GLIS3: variants seen among roughly 807,000 people sequenced by gnomAD.
GLIS3 encodes the protein zinc finger protein GLIS3.
Under a neutral mutation model 78.6 loss-of-function variants are expected in GLIS3, and 53 were observed. That is an observed-to-expected ratio of 0.67 (90% confidence interval 0.54 to 0.85). The LOEUF (loss-of-function observed/expected upper bound fraction) is 0.85. GLIS3 is among the 40% of genes least tolerant of loss of function. The pLI, the probability that GLIS3 is intolerant of heterozygous loss-of-function variation, is 0.00. For synonymous variants in GLIS3, 684 were observed against 509.9 expected (o/e 1.34, Z -4.60); for missense variants, 1,703 against 1,231.1 (o/e 1.38, Z -5.74).
intron 4 of GLIS3, among the ~76,000 whole-genome samples, chr9:4,020,928 C>G (rs1248173128): frequency 6.6e-6 from 1 of 152,140 alleles, no homozygotes; most frequent in East Asian, 1.9e-4. Flanking sequence ...GCACACAGTT[C>G]CAAAAATAGA....
At chr9:3,989,939 G>A (rs745721597) in intron 4 of GLIS3, among the ~76,000 whole-genome samples, 39 of 152,126 alleles carry the variant, frequency 2.6e-4, no homozygotes, top group Non-Finnish European at 5.4e-4. Flanking sequence ...TTCAATATTC[G>A]GGTTGATATC....
intron 2 of GLIS3, among the ~76,000 whole-genome samples, chr9:4,172,150 T>G (rs1816426475): frequency 6.6e-6 from 1 of 152,194 alleles, no homozygotes; most frequent in Admixed American, 6.6e-5. Flanking sequence ...ATGAATCACA[T>G]TCAGGCTTGG....
At chr9:4,228,423 T>C (rs114054868) in intron 2 of GLIS3, among the ~76,000 whole-genome samples, 245 of 152,294 alleles carry the variant, frequency 1.6e-3, no homozygotes, top group African/African-American at 5.7e-3. Context: ...CATTCTCATA[T>C]GTGTAGCCAA....
At chr9:4,106,591 A>AT (rs1449378006) in intron 4 of GLIS3, among the ~76,000 whole-genome samples, 12 of 152,290 alleles carry the variant, frequency 7.9e-5, no homozygotes, top group African/African-American at 2.4e-4. Context: ...GCACATTGTC[A>AT]TTTTTTCCTT....
the GLIS3 span, among the ~76,000 whole-genome samples, chr9:4,357,336 T>G: frequency 1.3e-5 from 2 of 152,130 alleles, no homozygotes. Flanking sequence ...CCTGGAAGCT[T>G]TAATAGAACC....
chr9:4,467,998 G>A, the GLIS3 span, among the ~76,000 whole-genome samples: 1 of 152,180 alleles, frequency 6.6e-6, no homozygotes, highest in Non-Finnish European at 1.5e-5. Context: ...ACAGGCACAA[G>A]GTTCAGTAGT....
intron 4 of GLIS3, among the ~76,000 whole-genome samples, chr9:3,941,330 C>T (rs1279651514): frequency 2.6e-5 from 4 of 152,112 alleles, no homozygotes; most frequent in African/African-American, 9.7e-5. Flanking sequence ...TTACTGGAGA[C>T]TCTTTAAATT....
At chr9:3,863,094 A>C (rs183569941) in intron 8 of GLIS3, among the ~76,000 whole-genome samples, 15 of 152,292 alleles carry the variant, frequency 9.8e-5, no homozygotes, top group African/African-American at 3.4e-4. Flanking sequence ...CATCTGATTT[A>C]ACATCTAAAA....
At chr9:4,197,044 C>T (rs1818924943) in intron 2 of GLIS3, among the ~76,000 whole-genome samples, 1 of 151,966 alleles carries the variant, frequency 6.6e-6, no homozygotes, top group South Asian at 2.1e-4. Flanking sequence ...TGGGGCTCTG[C>T]TCCATGCCCA....
intron 7 of GLIS3, among the ~76,000 whole-genome samples, chr9:3,886,933 C>CT: frequency 6.6e-6 from 1 of 152,270 alleles, no homozygotes; most frequent in East Asian, 1.9e-4. Flanking sequence ...TTTCCTTCTT[C>CT]TTAATGTCTG....
chr9:4,321,375 T>C (rs71490231), intron 2 of GLIS3, among the ~76,000 whole-genome samples: 1 of 105,714 alleles, frequency 9.5e-6, no homozygotes, highest in Admixed American at 1.3e-4. Flanking sequence ...GGAGCCGAGA[T>C]GGCGCCACTG....
At chr9:4,402,626 G>A in the GLIS3 span, among the ~76,000 whole-genome samples, 1 of 152,044 alleles carries the variant, frequency 6.6e-6, no homozygotes, top group Non-Finnish European at 1.5e-5. Context: ...CAAAAAGATT[G>A]AAACAATTAA....
At chr9:4,086,009 T>G (rs1439820535) in intron 4 of GLIS3, among the ~76,000 whole-genome samples, 1 of 152,240 alleles carries the variant, frequency 6.6e-6, no homozygotes, top group African/African-American at 2.4e-5. Context: ...AAAAGACAGC[T>G]ATGTTAAAGT....
intron 8 of GLIS3, among the ~76,000 whole-genome samples, chr9:3,866,789 G>T (rs1302359061): frequency 6.6e-6 from 1 of 152,236 alleles, no homozygotes. Context: ...ATTAACCAGG[G>T]AGAGGTGTGA....
intron 2 of GLIS3, among the ~76,000 whole-genome samples, chr9:4,232,253 C>T (rs541108453): frequency 1.3e-5 from 2 of 151,778 alleles, no homozygotes; most frequent in African/African-American, 2.4e-5. Flanking sequence ...GTGGCATGCA[C>T]CTCTGTAGTA....
At chr9:3,983,323 T>C (rs1441708405) in intron 4 of GLIS3, among the ~76,000 whole-genome samples, 1 of 152,194 alleles carries the variant, frequency 6.6e-6, no homozygotes, top group African/African-American at 2.4e-5. Flanking sequence ...TGTAAGTCCA[T>C]TAAACCTCTT....
chr9:4,058,352 G>T (rs1826319618), intron 4 of GLIS3, among the ~76,000 whole-genome samples: 1 of 151,576 alleles, frequency 6.6e-6, no homozygotes, highest in South Asian at 2.1e-4. Context: ...ATACTGCTCT[G>T]GGTTCAGAAA....
At chr9:3,920,612 T>G (rs1588230065) in intron 6 of GLIS3, among the ~76,000 whole-genome samples, 3 of 150,884 alleles carry the variant, frequency 2.0e-5, no homozygotes, top group Middle Eastern at 6.8e-3. Context: ...AGAACAGGTT[T>G]TTTTTTTTTT....
chr9:4,019,700 T>G (rs10814814), intron 4 of GLIS3, among the ~76,000 whole-genome samples: 23,315 of 152,034 alleles, frequency 0.15, 2,117 homozygotes, highest in African/African-American at 0.25. Context: ...GTGAGACTCA[T>G]GGGAAGATGC....
Sources: allele counts gnomAD v4.1 joint callset (sites outside exome capture counted in the v4.1 genomes callset), GRCh38; gene constraint gnomAD v4.1.1; transcripts MANE v1.5; gene names NCBI Gene and HGNC (gene_info 2026-07-23, HGNC 2026-07-21).